CACNB4: variants seen among roughly 807,000 people sequenced by gnomAD.
CACNB4 encodes voltage-dependent L-type calcium channel subunit beta-4.
Under a neutral mutation model 71.2 loss-of-function variants are expected in CACNB4, and 32 were observed. The ratio of observed to expected loss-of-function variants is 0.45; its 90% CI spans 0.34 to 0.60. The LOEUF is 0.60. Among genes scored for constraint, CACNB4 ranks in the 20% least tolerant of loss-of-function variants. The probability of loss-of-function intolerance (pLI) is 0.01; values close to 1 mark genes in which losing one functional copy is unlikely to be tolerated. For synonymous variants in CACNB4, 231 were observed against 236.9 expected (o/e 0.97, Z 0.23); for missense variants, 464 against 647.9 (o/e 0.72, Z 3.08).
Position 151,869,273 on chromosome 2 carries a change from A to T in CACNB4, c.700-38T>A, listed in dbSNP as rs1339064167. The T allele has an allele frequency of 5.7e-6, 7 of 1,234,932 alleles. No individual in the cohort carries two copies. In the Admixed American group the frequency reaches 9.9e-5, roughly 17 times the overall value. The allele number at this position is 1,234,932 out of a possible 1,614,324, so 76.5% of individuals were successfully genotyped here. ...GAGAAAAAAAGAATGAGGCAAACAC[A>T]TGCAGAGAGAGAGAGAGAAGTCAAA... On this transcript the variant is annotated intron_variant, in intron 8 of 13. Coordinates refer to ENST00000539935, the MANE Select transcript of CACNB4 (RefSeq NM_000726.5).
In CACNB4 at chr2:151,902,032, CTTT is replaced by C. The variant is rs70974804; in HGVS notation, c.148-18665_148-18663del. On this transcript the variant is annotated intron_variant, in intron 2 of 13. Transcript: ENST00000539935. ...TCCCTAGTGGGTAACACAACATCACCTTTTTTTTTTTTTTTTTTTTTTGACAAG... is the reference window on the plus strand; with the variant it reads ...TCCCTAGTGGGTAACACAACATCACCTTTTTTTTTTTTTTTTTTTGACAAG... Among the ~76,000 whole-genome samples, 10 of 130,226 alleles carry C rather than the reference CTTT, an allele frequency of 7.7e-5. No homozygotes were observed. In the East Asian group the frequency reaches 2.2e-3, roughly 28 times the overall value. The allele number at this position is 130,226 out of a possible 152,430, so 85.4% of individuals were successfully genotyped here.
chr2:152,097,277 G>T (rs1363379632), intron 2 of CACNB4, among the ~76,000 whole-genome samples: 2 of 152,132 alleles, frequency 1.3e-5, no homozygotes, highest in Non-Finnish European at 2.9e-5. Context: ...TTAAATTGAT[G>T]ATAATCACTA....
chr2:152,081,135 TAAGTC>T (rs1687334936), intron 2 of CACNB4, among the ~76,000 whole-genome samples: 1 of 152,148 alleles, frequency 6.6e-6, no homozygotes, highest in Non-Finnish European at 1.5e-5. Context: ...CAAGCTAACT[TAAGTC>T]ATTTCCAGAA....
chr2:151,849,496 G>T (rs1282972871), intron 12 of CACNB4, among the ~76,000 whole-genome samples: 1 of 152,160 alleles, frequency 6.6e-6, no homozygotes, highest in Non-Finnish European at 1.5e-5. Flanking sequence ...GTGCAGCCTT[G>T]AACTCCTAGG....
rs1687597773 is a variant in CACNB4 at position 152,085,346 on chromosome 2, T to G, written c.147+12984A>C. ...AATGAGCATACTTGCAAGCAATAAGTCAAATTCCCATAATGTATGAATGAA... is the reference window on the plus strand; with the variant it reads ...AATGAGCATACTTGCAAGCAATAAGGCAAATTCCCATAATGTATGAATGAA... On this transcript the variant is annotated intron_variant, in intron 2 of 13. Transcript: ENST00000539935. Among the ~76,000 whole-genome samples the G allele has an allele frequency of 2.0e-5, 3 of 152,096 alleles. No individual in the cohort carries two copies. In the South Asian group the frequency reaches 6.2e-4, roughly 32 times the overall value.
rs909799886 is a variant in CACNB4, at chr2:152,024,717, T to C, written c.147+73613A>G. Among the ~76,000 whole-genome samples the C allele has an allele frequency of 3.3e-5, 5 of 152,240 alleles. 1 individual carries two copies. The highest frequency in any genetic ancestry group is 5.9e-5 in the Non-Finnish European group (4 of 68,040). On this transcript the variant is annotated intron_variant, in intron 2 of 13. Transcript: ENST00000539935. ...GGAAGGCTGCTACACCCTTAGGGACTTGCCATTGTTTGCAACAATATGGTG... is the reference window on the plus strand; with the variant it reads ...GGAAGGCTGCTACACCCTTAGGGACCTGCCATTGTTTGCAACAATATGGTG...
chr2:151,946,675 C>G (rs1450761080), intron 2 of CACNB4, among the ~76,000 whole-genome samples: 1 of 152,108 alleles, frequency 6.6e-6, no homozygotes, highest in Non-Finnish European at 1.5e-5. Context: ...CCTGAGCACC[C>G]CAGGGCTCCA....
chr2:151,847,912 T>G (rs1295216798), intron 12 of CACNB4, among the ~76,000 whole-genome samples: 2 of 152,154 alleles, frequency 1.3e-5, no homozygotes, highest in South Asian at 4.1e-4. Flanking sequence ...GTTTCCACTT[T>G]AATGAGCTAA....
intron 2 of CACNB4, among the ~76,000 whole-genome samples, chr2:151,915,473 G>C (rs1249545733): frequency 6.6e-6 from 1 of 152,246 alleles, no homozygotes; most frequent in East Asian, 1.9e-4. Context: ...ACAGCAGGCA[G>C]CCACAGTGGG....
chr2:152,033,374 C>T (rs1375381406), intron 2 of CACNB4, among the ~76,000 whole-genome samples: 1 of 152,186 alleles, frequency 6.6e-6, no homozygotes, highest in African/African-American at 2.4e-5. Context: ...GGGATGCGAC[C>T]AGCATCCTAG....
chr2:151,980,670 A>T (rs1361277461), intron 2 of CACNB4, among the ~76,000 whole-genome samples: 3 of 152,236 alleles, frequency 2.0e-5, no homozygotes, highest in Admixed American at 6.5e-5. Flanking sequence ...CTGGCAAAAG[A>T]GCTCACAAAG....
At chr2:152,079,305 G>T (rs1687214071) in intron 2 of CACNB4, among the ~76,000 whole-genome samples, 2 of 151,782 alleles carry the variant, frequency 1.3e-5, no homozygotes, top group African/African-American at 2.4e-5. Flanking sequence ...AGCCAGGATG[G>T]TCTCGATCTC....
chr2:152,086,870 C>A (rs774218159), intron 2 of CACNB4, among the ~76,000 whole-genome samples: 20 of 152,204 alleles, frequency 1.3e-4, no homozygotes, highest in Non-Finnish European at 2.6e-4. Flanking sequence ...GTGGCTCACG[C>A]CTATAATCCC....
chr2:151,862,248 T>C (rs1295397746), intron 9 of CACNB4, among the ~76,000 whole-genome samples: 3 of 152,240 alleles, frequency 2.0e-5, no homozygotes, highest in African/African-American at 7.2e-5. Flanking sequence ...CTGCCAGCTA[T>C]GTCAGGAGAC....
chr2:151,977,149 C>T (rs1188025387), intron 2 of CACNB4, among the ~76,000 whole-genome samples: 1 of 152,158 alleles, frequency 6.6e-6, no homozygotes, highest in Non-Finnish European at 1.5e-5. Flanking sequence ...TGAGTAGCCT[C>T]CAAAACTGCA....
At chr2:152,006,572 T>C (rs1371517883) in intron 2 of CACNB4, among the ~76,000 whole-genome samples, 1 of 152,008 alleles carries the variant, frequency 6.6e-6, no homozygotes, top group African/African-American at 2.4e-5. Context: ...GGCTAATTTT[T>C]GTACTTTTTA....
At position 151,882,181 on chromosome 2, in the gene CACNB4, C is replaced by CTT. The variant is rs35206904; in HGVS notation, c.267+1068_267+1069dup. On this transcript the variant is annotated intron_variant, in intron 3 of 13. Transcript: ENST00000539935. ...GGCGTAAGCCACTGCACCGGCCCCTCTTTTTTTTTTTTTTTTTTTTTTTTT... is the reference window on the plus strand; with the variant it reads ...GGCGTAAGCCACTGCACCGGCCCCTCTTTTTTTTTTTTTTTTTTTTTTTTTTT... Among the ~76,000 whole-genome samples the CTT allele has an allele frequency of 3.6e-3, 182 of 50,848 alleles. 21 individuals carry two copies. Among genetic ancestry groups the CTT allele is most frequent in the East Asian group, 0.031 (43 of 1,408 alleles). 33.4% of individuals were successfully genotyped at this position (50,848 alleles called of 152,430 possible). A position where few individuals can be genotyped will look rare whatever the true frequency, so the allele number is the denominator to read the frequency against.
chr2:151,979,803 C>G (rs372470968), intron 2 of CACNB4, among the ~76,000 whole-genome samples: 1 of 152,126 alleles, frequency 6.6e-6, no homozygotes, highest in East Asian at 1.9e-4. Context: ...TGGTTGCAAT[C>G]AAAGCTCTCA....
At chr2:152,076,438 AG>A (rs1238158596) in intron 2 of CACNB4, among the ~76,000 whole-genome samples, 1 of 150,918 alleles carries the variant, frequency 6.6e-6, no homozygotes, top group Non-Finnish European at 1.5e-5. Context: ...CTGGGATTAT[AG>A]GCATGAGCTA....
Sources: gnomAD v4.1 joint callset for allele counts (sites outside exome capture counted in the v4.1 genomes callset) on GRCh38, gnomAD v4.1.1 for gene constraint, MANE v1.5 for transcripts, NCBI Gene and HGNC (gene_info 2026-07-23, HGNC 2026-07-21) for gene names.